DAPK3: variants seen among roughly 807,000 people sequenced by gnomAD.
DAPK3 encodes the protein death-associated protein kinase 3.
A neutral mutation model predicts 30.6 loss-of-function variants in DAPK3; 24 were observed. The observed-to-expected ratio is 0.78, with a 90% CI of 0.57 to 1.10. DAPK3 has a LOEUF of 1.10. Ranked by LOEUF, DAPK3 falls within the 50% of genes least tolerant of loss-of-function variation. The pLI is 0.00. For missense variants in DAPK3, 629 were observed against 657.3 expected (o/e 0.96, Z 0.47); for synonymous variants, 341 against 284.0 (o/e 1.20, Z -2.02).
chr19:3,961,515 G>A (rs1383850389), intron 6 of DAPK3: 15 of 527,350 alleles, frequency 2.8e-5, no homozygotes, highest in Non-Finnish European at 5.4e-5. Flanking sequence ...CTTAGCCAAA[G>A]GATCAAGGTC....
At position 3,964,719 on chromosome 19, in the gene DAPK3, G is replaced by C; in HGVS notation, c.335C>G (p.Thr112Arg). Residue 112 changes from threonine to arginine, a missense_variant, in exon 3 of 9, where the codon ACG becomes AGG. Physicochemically the swap from Thr to Arg is moderately conservative, Grantham distance 71. Transcript: ENST00000545797. The part of the protein sequence containing the change: ...FDFLAEKESL[T>R]EDEATQFLKQ... ...GAGGAACTGGGTGGCCTCGTCCTCC[G>C]TCAGCGACTCCTTCTCCGCCAGGAA... is the stretch of plus-strand genomic sequence containing the variant. 6.2e-7 allele frequency: 1 copy of C among 1,612,572 alleles called. No individual in the cohort carries two copies. Among genetic ancestry groups the C allele is most frequent in the Non-Finnish European group, 8.5e-7 (1 of 1,179,408 alleles).
chr19:3,969,906 C>A (rs562031578), intron 1 of DAPK3, 77 bp from the exon 2 acceptor site: 3 of 595,204 alleles, frequency 5.0e-6, no homozygotes, highest in East Asian at 5.7e-5. Context: ...ACAGACCTGT[C>A]CAGCAAACAC....
intron 8 of DAPK3, 32 bp from the exon 9 acceptor site, chr19:3,959,669 C>T: frequency 6.6e-7 from 1 of 1,523,288 alleles, no homozygotes; most frequent in Non-Finnish European, 8.8e-7. Context: ...GCGGGGTCCC[C>T]GCGATGCCAC....
intron 8 of DAPK3, 37 bp downstream of exon 8, chr19:3,960,022 C>T (rs2304193): frequency 0.18 from 213,403 of 1,200,916 alleles, 19,787 homozygotes; most frequent in East Asian, 0.24. Context: ...AAGGCCAAGG[C>T]GGGAAGCCCA....
intron 6 of DAPK3, among the ~76,000 whole-genome samples, chr19:3,962,293 A>G (rs1428873127): frequency 6.6e-6 from 1 of 152,248 alleles, no homozygotes; most frequent in Non-Finnish European, 1.5e-5. Flanking sequence ...GCTCCTTTGT[A>G]AGTCTGAATT....
At chr19:3,969,867 G>A in intron 1 of DAPK3, 38 bp from the exon 2 acceptor site, 2 of 655,344 alleles carry the variant, frequency 3.1e-6, no homozygotes, top group East Asian at 2.7e-5. Flanking sequence ...GAGGAACTGA[G>A]ACACCACCCT....
At position 3,959,379 on chromosome 19, in the gene DAPK3, TCTC is replaced by T. The variant is rs1416704329; in HGVS notation, c.1084_1086del (p.Glu362del). ...CTCTCCTCGCGGTACCAGGCCTCCT[TCTC>T]CTCGTAGATGGCGGCCAGCGCCTCC... On this transcript the variant is annotated inframe_deletion, in exon 9 of 9. Coordinates refer to ENST00000545797, the MANE Select transcript of DAPK3 (RefSeq NM_001348.3). 8 of 1,577,640 alleles carry T rather than the reference TCTC, an allele frequency of 5.1e-6. No homozygotes were observed. The highest frequency in any genetic ancestry group is 2.7e-5 in the African/African-American group (2 of 74,488).
chr19:3,965,654 C>CG (rs1451052897), intron 2 of DAPK3, among the ~76,000 whole-genome samples: 1 of 27,638 alleles, frequency 3.6e-5, no homozygotes, highest in Non-Finnish European at 6.1e-5. Context: ...GCCAGATCCG[C>CG]TTTTTTTGTT....
At position 3,964,484 on chromosome 19, in the gene DAPK3, CAACCTCACCCCCACGCTCCCCA is replaced by C. The variant is rs1223110025; in HGVS notation, c.423+125_424-112del. ...CCGCAACCTCACCCCCACGCTCCCC[CAACCTCACCCCCACGCTCCCCA>C]AACCTCACCCCCACGCTCCCCACAC... On this transcript the variant is annotated intron_variant, in intron 3 of 8. Transcript: ENST00000545797. The C allele has an allele frequency of 4.9e-4, 454 of 927,402 alleles. 2 individuals are homozygous for C. Among genetic ancestry groups the C allele is most frequent in the Non-Finnish European group, 5.5e-4 (376 of 680,948 alleles). The allele number at this position is 927,402 out of a possible 1,614,324, so 57.4% of individuals were successfully genotyped here.
chr19:3,959,688 G>T, intron 8 of DAPK3, 51 bp from the exon 9 acceptor site: 1 of 1,489,688 alleles, frequency 6.7e-7, no homozygotes, highest in South Asian at 1.3e-5. Context: ...ACCCAGCCCC[G>T]CCAGCCCCCA....
At chr19:3,960,228 A>C (rs898312503) in intron 7 of DAPK3, 124 bp from the exon 8 acceptor site, 1 of 652,978 alleles carries the variant, frequency 1.5e-6, no homozygotes, top group Non-Finnish European at 2.8e-6. Context: ...AGCCAACCAC[A>C]GAAGCTGAAC....
At chr19:3,962,254 C>G (rs939279200) in intron 6 of DAPK3, among the ~76,000 whole-genome samples, 11 of 152,228 alleles carry the variant, frequency 7.2e-5, no homozygotes, top group African/African-American at 2.4e-4. Context: ...GAGGAGGAAG[C>G]TGCAGGGGGC....
chr19:3,969,313 T>C (rs769329896), intron 2 of DAPK3, among the ~76,000 whole-genome samples: 42 of 152,258 alleles, frequency 2.8e-4, no homozygotes, highest in Admixed American at 1.3e-3. Context: ...TAATTTTTTT[T>C]CATTTTTATT....
intron 8 of DAPK3, 105 bp from the exon 9 acceptor site, chr19:3,959,742 A>G (rs2039483235): frequency 7.8e-7 from 1 of 1,290,038 alleles, no homozygotes; most frequent in Non-Finnish European, 1.0e-6. Context: ...CCGGCAGCAG[A>G]GTCAACGCCT....
rs769532059 is a variant in DAPK3, at chr19:3,959,232, G to C, written c.1234C>G (p.Arg412Gly). ...ALLGTSGLKR[R>G]FSRLENRYEA... ...TAGCGGTTCTCCAGGCGGCTGAAGC[G>C]GCGCTTGAGGCCGCTGGTCCCCAGC... Residue 412 changes from arginine (R) to glycine (G), a missense_variant, in exon 9 of 9, where the codon CGC becomes GGC. This residue lies in a region of DAPK3 where 323 missense variants were observed against 278.8 expected (regional missense o/e 1.16). Transcript: ENST00000545797. The C allele has an allele frequency of 5.0e-6, 8 of 1,600,042 alleles. No individual in the cohort carries two copies. In the African/African-American group the frequency reaches 9.4e-5, roughly 19 times the overall value.
Position 3,959,250 on chromosome 19 carries a change from T to A in DAPK3, c.1216A>T (p.Thr406Ser). The A allele has an allele frequency of 6.3e-7, 1 of 1,599,638 alleles. No individual in the cohort carries two copies. The highest frequency in any genetic ancestry group is 8.5e-7 in the Non-Finnish European group (1 of 1,178,272). ...QEEAKGALLGTSGLKRRFSRL... is the reference protein window; with the variant it reads ...QEEAKGALLGSSGLKRRFSRL... ...CTGAAGCGGCGCTTGAGGCCGCTGG[T>A]CCCCAGCAGCGCGCCCTTGGCCTCC... is the stretch of plus-strand genomic sequence containing the variant. Residue 406 changes from threonine to serine, a missense_variant, in exon 9 of 9, where the codon ACC (threonine) becomes TCC (serine). Coordinates refer to ENST00000545797, the MANE Select transcript of DAPK3 (RefSeq NM_001348.3).
At position 3,963,526 on chromosome 19, in the gene DAPK3, T is replaced by C. The variant is rs150021684; in HGVS notation, c.629+117A>G. On this transcript the variant is annotated intron_variant, in intron 6 of 8. Transcript: ENST00000545797. ...ATCCGTTCACCCGGTATCCCCTGAG[T>C]ACCCGCGATGGGTCACAGCCAGGCT... The C allele has an allele frequency of 2.6e-3, 1,532 of 600,590 alleles. 22 individuals are homozygous for C. The African/African-American group carries it at 0.027, about 11-fold the overall frequency. The allele number at this position is 600,590 out of a possible 1,614,324, so 37.2% of individuals were successfully genotyped here.
chr19:3,966,964 G>A (rs774803661), intron 2 of DAPK3, among the ~76,000 whole-genome samples: 1 of 152,170 alleles, frequency 6.6e-6, no homozygotes, highest in Non-Finnish European at 1.5e-5. Flanking sequence ...CCCAAGAGCT[G>A]AGCCCACCCT....
chr19:3,968,738 G>A (rs1269355501), intron 2 of DAPK3, among the ~76,000 whole-genome samples: 1 of 152,152 alleles, frequency 6.6e-6, no homozygotes, highest in East Asian at 1.9e-4. Context: ...GGGACCTCAG[G>A]ATCCCAAAAG....
Sources: gnomAD v4.1 joint callset for allele counts (sites outside exome capture counted in the v4.1 genomes callset) on GRCh38, gnomAD v4.1.1 for gene constraint, gnomAD v4.1.1 regional missense constraint, MANE v1.5 for transcripts, NCBI Gene and HGNC (gene_info 2026-07-23, HGNC 2026-07-21) for gene names.